DNAH17: variants seen among roughly 807,000 people sequenced by gnomAD.
DNAH17 encodes the protein axonemal beta dynein heavy chain 17.
Under a neutral mutation model 485.6 loss-of-function variants are expected in DNAH17, and 376 were observed. The observed-to-expected ratio is 0.77, with a 90% CI of 0.71 to 0.84. DNAH17 has a LOEUF of 0.84. Ranked by LOEUF, DNAH17 falls within the 40% of genes least tolerant of loss-of-function variation. The pLI is 0.00. For missense variants in DNAH17, 6,370 were observed against 5,839.3 expected (o/e 1.09, Z -2.96); for synonymous variants, 3,031 against 2,405.9 (o/e 1.26, Z -7.60).
At chr17:78,494,195 TG>T in intron 40 of DNAH17, 22 bp from the exon 41 acceptor site, 1 of 1,599,850 alleles carries the variant, frequency 6.3e-7, no homozygotes. Flanking sequence ...TGGATGAGGC[TG>T]GGTGAGGAAC....
rs545754692 is a variant in DNAH17 at position 78,516,760 on chromosome 17, G to A, written c.3865-1738C>T. On this transcript the variant is annotated intron_variant, in intron 25 of 80. Coordinates refer to ENST00000389840, the MANE Select transcript of DNAH17 (RefSeq NM_173628.4). ...CAGTTAATTGTTGAAAAAGTATCAA[G>A]AGGCCTTCAATTTGTACCTTCTGTT... 4.7e-5 allele frequency among the ~76,000 whole-genome samples: 7 copies of A among 150,266 alleles called. No individual in the cohort carries two copies. In the South Asian group the frequency reaches 1.1e-3, roughly 23 times the overall value.
At chr17:78,430,340 T>C (rs2086629948) in intron 75 of DNAH17, among the ~76,000 whole-genome samples, 1 of 152,200 alleles carries the variant, frequency 6.6e-6, no homozygotes, top group Non-Finnish European at 1.5e-5. Flanking sequence ...TCTTTTTTGG[T>C]ACCCAGCATG....
At chr17:78,561,613 G>T in intron 12 of DNAH17, 102 bp downstream of exon 12, 1 of 1,374,804 alleles carries the variant, frequency 7.3e-7, no homozygotes, top group Non-Finnish European at 9.6e-7. Context: ...GTAACAGTCT[G>T]GTCGACAGGA....
chr17:78,486,561 T>C, intron 44 of DNAH17, 55 bp from the exon 45 acceptor site: 1 of 1,541,208 alleles, frequency 6.5e-7, no homozygotes, highest in South Asian at 1.2e-5. Flanking sequence ...TCTGCCAGTG[T>C]CCCTGCCTTG....
At chr17:78,550,471 CTTAAG>C (rs1261952110) in intron 16 of DNAH17, among the ~76,000 whole-genome samples, 1 of 13,734 alleles carries the variant, frequency 7.3e-5, no homozygotes, top group Non-Finnish European at 1.4e-4. Flanking sequence ...TAAAGAGGTG[CTTAAG>C]TTAATATGAG....
At chr17:78,530,302 C>T (rs151236928) in intron 21 of DNAH17, 41 bp downstream of exon 21, 2 of 1,562,344 alleles carry the variant, frequency 1.3e-6, no homozygotes, top group Non-Finnish European at 8.7e-7. Flanking sequence ...TGGTGCTCTG[C>T]ACATTCCTTG....
chr17:78,567,871 G>T lies in DNAH17; in HGVS notation c.1285-705C>A, dbSNP rs985704873. On this transcript the variant is annotated intron_variant, in intron 9 of 80. Coordinates refer to ENST00000389840, the MANE Select transcript of DNAH17 (RefSeq NM_173628.4). ...CTGTTTCCCAAATGAGGTCTCCAAGGCTCCCTGGATGCTCTTCTGTGCCCC... is the reference window on the plus strand; with the variant it reads ...CTGTTTCCCAAATGAGGTCTCCAAGTCTCCCTGGATGCTCTTCTGTGCCCC... Among the ~76,000 whole-genome samples, 5 of 152,132 alleles carry T rather than the reference G, an allele frequency of 3.3e-5. No homozygotes were observed. The East Asian group carries it at 7.7e-4, about 23-fold the overall frequency.
chr17:78,542,525 A>G (rs1411012358), intron 17 of DNAH17, among the ~76,000 whole-genome samples: 1 of 152,218 alleles, frequency 6.6e-6, no homozygotes, highest in Admixed American at 6.5e-5. Context: ...CCTCAGAGAC[A>G]AACTAAAATG....
In DNAH17 at chr17:78,452,725, G is replaced by A. The variant is rs142323392; in HGVS notation, c.10529+618C>T. 1.3e-3 allele frequency among the ~76,000 whole-genome samples: 200 copies of A among 152,292 alleles called. 1 individual carries two copies. In the South Asian group the frequency reaches 0.014, roughly 11 times the overall value. On this transcript the variant is annotated intron_variant, in intron 65 of 80. Coordinates refer to ENST00000389840, the MANE Select transcript of DNAH17 (RefSeq NM_173628.4). ...TGGACTCCAGCCTGGACGACAGAGCGAGACTCCATCTCAAAAAACAAACAA... is the reference window on the plus strand; with the variant it reads ...TGGACTCCAGCCTGGACGACAGAGCAAGACTCCATCTCAAAAAACAAACAA...
chr17:78,434,242 C>G (rs762764883), intron 74 of DNAH17, 22 bp from the exon 75 acceptor site: 35 of 1,590,632 alleles, frequency 2.2e-5, no homozygotes, highest in Non-Finnish European at 3.0e-5. Flanking sequence ...ACGCTCCGGT[C>G]AGGTATTAGG....
At chr17:78,431,780 G>A (rs1406813789) in intron 75 of DNAH17, among the ~76,000 whole-genome samples, 1 of 152,188 alleles carries the variant, frequency 6.6e-6, no homozygotes, top group Non-Finnish European at 1.5e-5. Flanking sequence ...TCCTCAGGAT[G>A]TGGCAGCCGC....
intron 5 of DNAH17, 31 bp downstream of exon 5, chr17:78,571,248 T>C (rs747880347): frequency 1.3e-6 from 2 of 1,586,648 alleles, no homozygotes; most frequent in African/African-American, 1.3e-5. Flanking sequence ...AACAGCTTCG[T>C]GCAGAACTCA....
chr17:78,527,512 G>C (rs1159526491), intron 22 of DNAH17, among the ~76,000 whole-genome samples: 2 of 151,140 alleles, frequency 1.3e-5, no homozygotes, highest in African/African-American at 4.9e-5. Context: ...TCCATTTGTG[G>C]GTGTGGGTGT....
At position 78,428,638 on chromosome 17, in the gene DNAH17, C is replaced by T. The variant is rs371994741; in HGVS notation, c.12475G>A (p.Ala4159Thr). 12 of 1,613,860 alleles carry T rather than the reference C, an allele frequency of 7.4e-6. No homozygotes were observed. Among genetic ancestry groups the T allele is most frequent in the African/African-American group, 2.7e-5 (2 of 74,914 alleles). ...GTGACCGTCAGAAAGCCAATCTCTG[C>T]GTTGGGGTGCAGGCCATACAGATAG... Reference protein sequence around the residue: ...SPYLYGLHPNAEIGFLTVTSE... With the variant: ...SPYLYGLHPNTEIGFLTVTSE... Residue 4159 changes from alanine (A) to threonine (T), a missense_variant, in exon 77 of 81, where the codon GCA becomes ACA. Transcript: ENST00000389840.
At chr17:78,572,286 TAC>T (rs2092370121) in intron 3 of DNAH17, among the ~76,000 whole-genome samples, 1 of 152,034 alleles carries the variant, frequency 6.6e-6, no homozygotes, top group Admixed American at 6.5e-5. Flanking sequence ...CCGCAGCCTC[TAC>T]ACAGACTTGC....
chr17:78,450,697 G>T lies in DNAH17; in HGVS notation c.10884C>A (p.Ser3628Arg). The change falls in exon 67 of 81, where the codon AGC becomes AGA. Residue 3628 changes from serine (S) to arginine (R), a missense_variant. By Grantham distance (110) the Ser-to-Arg change is moderately radical. Transcript: ENST00000389840. ...ENLETTKHTASEIEEKVVEAK... is the reference protein window; with the variant it reads ...ENLETTKHTAREIEEKVVEAK... Reference sequence around the variant, plus strand: ...CAGCTCTGACCTTCTCCTCGATCTCGCTGGCTGTGTGCTTGGTGGTCTCCA... The same window carrying T: ...CAGCTCTGACCTTCTCCTCGATCTCTCTGGCTGTGTGCTTGGTGGTCTCCA... 1.2e-6 allele frequency: 2 copies of T among 1,613,300 alleles called. No individual in the cohort carries two copies. Among genetic ancestry groups the T allele is most frequent in the Non-Finnish European group, 1.7e-6 (2 of 1,179,692 alleles).
chr17:78,456,635 C>T (rs1265602904), intron 62 of DNAH17, among the ~76,000 whole-genome samples: 1 of 152,222 alleles, frequency 6.6e-6, no homozygotes, highest in Non-Finnish European at 1.5e-5. Flanking sequence ...GGACTGGTCC[C>T]TAACCCTCAG....
chr17:78,449,267 A>C lies in DNAH17; in HGVS notation c.11211+147T>G, dbSNP rs973407901. On this transcript the variant is annotated intron_variant, in intron 69 of 80. Transcript: ENST00000389840. ...CCACGTCAGGCATCTCAGACTTTAT[A>C]ATCACCTGGGTATATTGCTAAAATG... 1.1e-5 allele frequency: 8 copies of C among 755,366 alleles called. No individual in the cohort carries two copies. The East Asian group carries it at 2.2e-4, about 21-fold the overall frequency. 46.8% of individuals were successfully genotyped at this position (755,366 alleles called of 1,614,324 possible). A position where few individuals can be genotyped will look rare whatever the true frequency, so the allele number is the denominator to read the frequency against.
chr17:78,528,180 T>C (rs1318018738), intron 22 of DNAH17, among the ~76,000 whole-genome samples: 1 of 152,138 alleles, frequency 6.6e-6, no homozygotes. Flanking sequence ...ATGGTTTCTG[T>C]CTGCATTTTT....
Sources: gnomAD v4.1 joint callset for allele counts (sites outside exome capture counted in the v4.1 genomes callset) on GRCh38, gnomAD v4.1.1 for gene constraint, MANE v1.5 for transcripts, NCBI Gene and HGNC (gene_info 2026-07-23, HGNC 2026-07-21) for gene names.